NR3C2: variants seen among roughly 807,000 people sequenced by gnomAD.
NR3C2 encodes the protein nuclear receptor subfamily 3 group C member 2.
In NR3C2, 15 loss-of-function variants were observed where a neutral mutation model predicts 86.4. The observed-to-expected ratio is 0.17, with a 90% CI of 0.12 to 0.27. NR3C2 has a LOEUF of 0.27. Ranked by LOEUF, NR3C2 falls within the 10% of genes least tolerant of loss-of-function variation. The pLI is 1.00. For synonymous variants in NR3C2, 458 were observed against 450.5 expected (o/e 1.02, Z -0.21); for missense variants, 960 against 1,195.6 (o/e 0.80, Z 2.91).
intron 3 of NR3C2, among the ~76,000 whole-genome samples, chr4:148,249,990 C>T (rs997461562): frequency 1.3e-4 from 20 of 152,248 alleles, no homozygotes; most frequent in African/African-American, 3.9e-4. Context: ...GGTAATTTTA[C>T]GATAATTTCT....
At chr4:148,361,753 T>A (rs552124993) in intron 2 of NR3C2, among the ~76,000 whole-genome samples, 1 of 152,346 alleles carries the variant, frequency 6.6e-6, no homozygotes, top group South Asian at 2.1e-4. Flanking sequence ...TTACTTTTAA[T>A]GGTTACTGAG....
chr4:148,427,459 G>A (rs1409582664), intron 2 of NR3C2, among the ~76,000 whole-genome samples: 8 of 151,956 alleles, frequency 5.3e-5, no homozygotes, highest in Admixed American at 2.6e-4. Context: ...GTGGCTTATA[G>A]TTGGGTCTAT....
At chr4:148,215,790 T>TTG (rs1262776140) in intron 3 of NR3C2, among the ~76,000 whole-genome samples, 1 of 151,126 alleles carries the variant, frequency 6.6e-6, no homozygotes, top group East Asian at 1.9e-4. Flanking sequence ...GTTTTTTTTT[T>TTG]TTTTTTTGAG....
intron 2 of NR3C2, among the ~76,000 whole-genome samples, chr4:148,293,525 A>T (rs1741896433): frequency 6.6e-6 from 1 of 152,212 alleles, no homozygotes; most frequent in African/African-American, 2.4e-5. Flanking sequence ...ATTACTGACT[A>T]GAAATGCCTT....
At chr4:148,390,600 G>A (rs1383307897) in intron 2 of NR3C2, among the ~76,000 whole-genome samples, 5 of 152,130 alleles carry the variant, frequency 3.3e-5, no homozygotes, top group Non-Finnish European at 7.4e-5. Flanking sequence ...TATTCAAGTA[G>A]CTGCTGTTTA....
intron 2 of NR3C2, among the ~76,000 whole-genome samples, chr4:148,272,256 T>A (rs1407969821): frequency 6.6e-6 from 1 of 152,166 alleles, no homozygotes; most frequent in East Asian, 1.9e-4. Flanking sequence ...CCGCATTACC[T>A]CCTCACTCTT....
chr4:148,343,556 T>C (rs1045253473), intron 2 of NR3C2, among the ~76,000 whole-genome samples: 1 of 152,100 alleles, frequency 6.6e-6, no homozygotes, highest in African/African-American at 2.4e-5. Flanking sequence ...TTTAAATCAA[T>C]GTTTGAAGTG....
At position 148,079,109 on chromosome 4, in the gene NR3C2, T is replaced by TTAAG. The variant is rs1378411483; in HGVS notation, c.*2231_*2234dup. 1.6e-4 allele frequency: 25 copies of TTAAG among 152,518 alleles called. No homozygotes were observed. The highest frequency in any genetic ancestry group is 3.9e-4 in the East Asian group (2 of 5,194). 9.4% of individuals were successfully genotyped at this position (152,518 alleles called of 1,614,324 possible). A position where few individuals can be genotyped will look rare whatever the true frequency, so the allele number is the denominator to read the frequency against. On this transcript the variant is annotated 3_prime_UTR_variant, in exon 9 of 9. Coordinates refer to ENST00000358102, the MANE Select transcript of NR3C2 (RefSeq NM_000901.5). ...CAGACCATCTCCATCCCAAACCTGG[T>TTAAG]TAAGTAAGTCAGAATTCCCATTTTA...
intron 2 of NR3C2, among the ~76,000 whole-genome samples, chr4:148,373,169 C>A (rs1256069654): frequency 6.6e-6 from 1 of 152,174 alleles, no homozygotes; most frequent in Non-Finnish European, 1.5e-5. Flanking sequence ...CCCTCCAATG[C>A]TGATGGCACT....
intron 3 of NR3C2, among the ~76,000 whole-genome samples, chr4:148,248,156 A>G (rs1560999813): frequency 6.6e-6 from 1 of 152,256 alleles, no homozygotes; most frequent in East Asian, 1.9e-4. Flanking sequence ...TAGAAATGGC[A>G]TGACTATAAC....
chr4:148,334,453 T>G, intron 2 of NR3C2, among the ~76,000 whole-genome samples: 1 of 152,110 alleles, frequency 6.6e-6, no homozygotes, highest in East Asian at 1.9e-4. Flanking sequence ...TGAGGCAGGA[T>G]AAATGCTTGA....
intron 2 of NR3C2, among the ~76,000 whole-genome samples, chr4:148,353,661 A>G (rs916531873): frequency 6.6e-6 from 1 of 152,218 alleles, no homozygotes; most frequent in African/African-American, 2.4e-5. Context: ...GTAGAAAACC[A>G]TATTTTTAAG....
chr4:148,166,161 T>C (rs981022015), intron 4 of NR3C2, among the ~76,000 whole-genome samples: 3 of 152,236 alleles, frequency 2.0e-5, no homozygotes, highest in African/African-American at 7.2e-5. Flanking sequence ...GGATACAGAC[T>C]GAATTGGTCT....
At chr4:148,296,491 C>G (rs897927258) in intron 2 of NR3C2, among the ~76,000 whole-genome samples, 14 of 152,004 alleles carry the variant, frequency 9.2e-5, no homozygotes, top group African/African-American at 2.7e-4. Context: ...ATCATGTAAT[C>G]ATTGAAACCA....
At chr4:148,155,316 T>G (rs1371137388) in intron 4 of NR3C2, among the ~76,000 whole-genome samples, 3 of 152,148 alleles carry the variant, frequency 2.0e-5, no homozygotes, top group African/African-American at 7.2e-5. Context: ...AAAGACGAAG[T>G]CAAATTGTCC....
intron 2 of NR3C2, among the ~76,000 whole-genome samples, chr4:148,285,070 G>C (rs1430865565): frequency 1.3e-5 from 2 of 152,056 alleles, no homozygotes; most frequent in African/African-American, 4.8e-5. Flanking sequence ...TTCACTTTCG[G>C]AGCCCACAGC....
intron 2 of NR3C2, among the ~76,000 whole-genome samples, chr4:148,412,585 C>A (rs1748760247): frequency 6.6e-6 from 1 of 152,034 alleles, no homozygotes; most frequent in African/African-American, 2.4e-5. Flanking sequence ...AAAAAATGCT[C>A]CTTCCTTTAT....
Position 148,430,345 on chromosome 4 carries a change from G to A in NR3C2, c.1757+4759C>T, listed in dbSNP as rs72645616. On this transcript the variant is annotated intron_variant, in intron 2 of 8. Coordinates refer to ENST00000358102, the MANE Select transcript of NR3C2 (RefSeq NM_000901.5). ...CAGACATACTGACATATAAACCTAC[G>A]ATATTTGTGATGTTTAAAAATGAAA... is the stretch of plus-strand genomic sequence containing the variant. Among the ~76,000 whole-genome samples the A allele has an allele frequency of 2.7e-3, 412 of 152,112 alleles. 2 individuals carry two copies. Among genetic ancestry groups the A allele is most frequent in the Non-Finnish European group, 4.2e-3 (282 of 67,940 alleles).
intron 2 of NR3C2, among the ~76,000 whole-genome samples, chr4:148,300,061 C>T (rs751278133): frequency 7.9e-5 from 12 of 152,144 alleles, no homozygotes; most frequent in East Asian, 3.9e-4. Flanking sequence ...GGATGGGATG[C>T]GGGCCCAGGA....
Sources: allele counts gnomAD v4.1 joint callset (sites outside exome capture counted in the v4.1 genomes callset), GRCh38; gene constraint gnomAD v4.1.1; transcripts MANE v1.5; gene names NCBI Gene and HGNC (gene_info 2026-07-23, HGNC 2026-07-21).